The following CSMD1 variants were observed in gnomAD, a reference collection of about 807,000 sequenced individuals.
CSMD1 encodes CUB and sushi domain-containing protein 1.
In CSMD1, 213 loss-of-function variants were observed where a neutral mutation model predicts 417.5. The observed-to-expected ratio is 0.51, with a 90% confidence interval of 0.46 to 0.57. The LOEUF (loss-of-function observed/expected upper bound fraction) is 0.57. Among genes scored for constraint, CSMD1 ranks in the 20% least tolerant of loss-of-function variants. The pLI, the probability that CSMD1 is intolerant of heterozygous loss-of-function variation, is 0.00. For synonymous variants in CSMD1, 2,862 were observed against 1,736.8 expected (o/e 1.65, Z -16.11); for missense variants, 6,923 against 4,529.7 (o/e 1.53, Z -15.17).
In CSMD1 at chr8:4,495,369, T is replaced by A. The variant is rs192113651; in HGVS notation, c.303-75304A>T. Among the ~76,000 whole-genome samples, 10 of 152,050 alleles carry A rather than the reference T, an allele frequency of 6.6e-5. No homozygotes were observed. The East Asian group carries it at 1.5e-3, about 24-fold the overall frequency. ...GGCGGGCGGATCACGAAGTCAAGGGTTCGAGACTAGCATGGCCAACGTGGT... is the reference window on the plus strand; with the variant it reads ...GGCGGGCGGATCACGAAGTCAAGGGATCGAGACTAGCATGGCCAACGTGGT... On this transcript the variant is annotated intron_variant, in intron 2 of 69. Transcript: ENST00000635120.
At chr8:3,389,504 G>C (rs1811217582) in intron 17 of CSMD1, among the ~76,000 whole-genome samples, 1 of 151,700 alleles carries the variant, frequency 6.6e-6, no homozygotes, top group Non-Finnish European at 1.5e-5. Context: ...AGGTTTCTGG[G>C]GAAAAAAAAC....
chr8:4,840,158 A>AAAT (rs1481864557), intron 1 of CSMD1, among the ~76,000 whole-genome samples: 1 of 152,272 alleles, frequency 6.6e-6, no homozygotes, highest in Non-Finnish European at 1.5e-5. Context: ...GCTGTTATGC[A>AAAT]CATCACCTGC....
intron 5 of CSMD1, among the ~76,000 whole-genome samples, chr8:3,818,416 A>G (rs1035828488): frequency 6.6e-6 from 1 of 152,174 alleles, no homozygotes; most frequent in Admixed American, 6.5e-5. Context: ...AAACAGCACC[A>G]AACAATTATT....
chr8:3,630,325 G>A (rs62477279), intron 7 of CSMD1, among the ~76,000 whole-genome samples: 49,472 of 152,090 alleles, frequency 0.33, 9,001 homozygotes, highest in Middle Eastern at 0.47. Flanking sequence ...TAAGGTAAGA[G>A]TGAATTTAAA....
chr8:4,431,946 G>C (rs922273672), intron 2 of CSMD1, among the ~76,000 whole-genome samples: 1 of 152,072 alleles, frequency 6.6e-6, no homozygotes, highest in Non-Finnish European at 1.5e-5. Flanking sequence ...AATAAACACA[G>C]TATTGTTTTA....
chr8:3,987,308 C>T (rs1008952436), intron 5 of CSMD1, among the ~76,000 whole-genome samples: 2 of 152,206 alleles, frequency 1.3e-5, no homozygotes, highest in Non-Finnish European at 2.9e-5. Context: ...CCTCACTGAG[C>T]AGTGCTTTCT....
At chr8:3,378,617 C>T (rs1413052286) in intron 18 of CSMD1, among the ~76,000 whole-genome samples, 1 of 152,152 alleles carries the variant, frequency 6.6e-6, no homozygotes. Flanking sequence ...TAAACGTAAT[C>T]CATCACTTAA....
intron 3 of CSMD1, among the ~76,000 whole-genome samples, chr8:4,229,198 T>C (rs1428124075): frequency 2.0e-5 from 3 of 152,166 alleles, no homozygotes; most frequent in East Asian, 1.9e-4. Flanking sequence ...CCTCCTTTTC[T>C]GTCAAATACC....
intron 2 of CSMD1, among the ~76,000 whole-genome samples, chr8:4,471,275 A>G (rs1800514723): frequency 6.6e-6 from 1 of 152,210 alleles, no homozygotes; most frequent in Non-Finnish European, 1.5e-5. Flanking sequence ...CAGGAACAAT[A>G]AATTTCACAA....
chr8:4,089,519 C>A (rs1310641729), intron 3 of CSMD1, among the ~76,000 whole-genome samples: 1 of 152,070 alleles, frequency 6.6e-6, no homozygotes, highest in Non-Finnish European at 1.5e-5. Context: ...ATATCCAAGT[C>A]TTATATAGCA....
intron 3 of CSMD1, among the ~76,000 whole-genome samples, chr8:4,257,477 A>C (rs1283436500): frequency 1.3e-5 from 2 of 152,194 alleles, no homozygotes; most frequent in Admixed American, 6.5e-5. Context: ...TTAAGAATGC[A>C]TATATTTCTA....
At chr8:3,024,807 C>G (rs1225041730) in intron 51 of CSMD1, among the ~76,000 whole-genome samples, 1 of 152,172 alleles carries the variant, frequency 6.6e-6, no homozygotes, top group Non-Finnish European at 1.5e-5. Context: ...GAATATTGCA[C>G]TAAAGCTGGT....
At chr8:3,653,134 T>C (rs1422727794) in intron 7 of CSMD1, among the ~76,000 whole-genome samples, 2 of 152,000 alleles carry the variant, frequency 1.3e-5, no homozygotes, top group African/African-American at 4.8e-5. Context: ...GAAAGCCCTA[T>C]AAATTCAAAT....
chr8:4,807,321 G>A (rs1283228292), intron 1 of CSMD1, among the ~76,000 whole-genome samples: 3 of 152,166 alleles, frequency 2.0e-5, no homozygotes, highest in African/African-American at 7.2e-5. Context: ...AATTTCCAAG[G>A]GTAGGGTGAC....
chr8:3,448,538 T>C (rs1480035189), intron 12 of CSMD1, among the ~76,000 whole-genome samples: 1 of 151,908 alleles, frequency 6.6e-6, no homozygotes, highest in Non-Finnish European at 1.5e-5. Context: ...GGTTTATTAA[T>C]GAAGGTTTAA....
chr8:3,626,427 C>G (rs1209690695), intron 7 of CSMD1, among the ~76,000 whole-genome samples: 3 of 152,130 alleles, frequency 2.0e-5, no homozygotes, highest in South Asian at 2.1e-4. Context: ...ATCTGTAATT[C>G]AGGCCAGCAA....
At chr8:3,999,325 G>C (rs1048398371) in intron 4 of CSMD1, among the ~76,000 whole-genome samples, 4 of 152,132 alleles carry the variant, frequency 2.6e-5, no homozygotes, top group South Asian at 2.1e-4. Flanking sequence ...CTCTTACAAA[G>C]TGCATATCTT....
intron 3 of CSMD1, among the ~76,000 whole-genome samples, chr8:4,131,431 C>G (rs191277820): frequency 6.6e-6 from 1 of 152,124 alleles, no homozygotes; most frequent in East Asian, 1.9e-4. Context: ...CTCTCAACTA[C>G]CCCTGAGGTC....
At chr8:3,410,077 T>C (rs1002764143) in intron 12 of CSMD1, among the ~76,000 whole-genome samples, 2 of 152,242 alleles carry the variant, frequency 1.3e-5, no homozygotes, top group African/African-American at 4.8e-5. Context: ...CACTCACTTA[T>C]GAAGCAGAAT....
Sources: allele counts gnomAD v4.1 joint callset (sites outside exome capture counted in the v4.1 genomes callset), GRCh38; gene constraint gnomAD v4.1.1; transcripts MANE v1.5; gene names NCBI Gene and HGNC (gene_info 2026-07-23, HGNC 2026-07-21).